SLC22A8: variants seen among roughly 807,000 people sequenced by gnomAD.
The protein encoded by SLC22A8 is organic anion transporter 3.
SLC22A8 carries 40 observed loss-of-function variants against 48.4 expected under a neutral mutation model. The observed-to-expected ratio is 0.83, with a 90% CI of 0.64 to 1.08. The LOEUF (loss-of-function observed/expected upper bound fraction) is 1.08. SLC22A8 is among the 50% of genes least tolerant of loss of function. The pLI is 0.00. For missense variants in SLC22A8, 606 were observed against 699.0 expected (o/e 0.87, Z 1.50); for synonymous variants, 268 against 286.3 (o/e 0.94, Z 0.65).
At chr11:63,005,642 A>T (rs1289639153) in intron 2 of SLC22A8, among the ~76,000 whole-genome samples, 2 of 152,232 alleles carry the variant, frequency 1.3e-5, no homozygotes, top group Non-Finnish European at 2.9e-5. Context: ...TTATAAGAAG[A>T]CAAGAGAGAG....
At position 62,994,551 on chromosome 11, in the gene SLC22A8, C is replaced by T. The variant is rs1477056627; in HGVS notation, c.1207G>A (p.Val403Met). 1 of 1,606,876 alleles carries T rather than the reference C, an allele frequency of 6.2e-7. No individual in the cohort carries two copies. The highest frequency in any genetic ancestry group is 1.7e-5 in the Admixed American group (1 of 58,934). The change falls in exon 8 of 11, where the codon GTG becomes ATG. Residue 403 changes from valine to methionine, a missense_variant. Coordinates refer to ENST00000336232, the MANE Select transcript of SLC22A8 (RefSeq NM_004254.4). ...AGGAILALTF[V>M]PLDLQTVRTV... ...AGCCCCAGTCTCTCACCCAAGGGCACAAAGGTGAGAGCCAAGATGGCCCCT... is the reference window on the plus strand; with the variant it reads ...AGCCCCAGTCTCTCACCCAAGGGCATAAAGGTGAGAGCCAAGATGGCCCCT...
rs536632701 is a variant in SLC22A8 at position 63,001,070 on chromosome 11, T to G, written c.334-247A>C. The G allele has an allele frequency of 2.3e-5, 11 of 473,480 alleles. No individual in the cohort carries two copies. The East Asian group carries it at 4.4e-4, about 19-fold the overall frequency. 29.3% of individuals were successfully genotyped at this position (473,480 alleles called of 1,614,324 possible). ...ATATGGCTCTCAAAGTCCACTCAGC[T>G]ACCACATCCAGGTCTGGCCTCAACT... On this transcript the variant is annotated intron_variant, in intron 2 of 10. Coordinates refer to ENST00000336232, the MANE Select transcript of SLC22A8 (RefSeq NM_004254.4).
At position 62,995,766 on chromosome 11, in the gene SLC22A8, G is replaced by A. The variant is rs372019665; in HGVS notation, c.939C>T (p.Thr313=). The change falls in exon 7 of 11, where the codon ACC becomes ACT. Residue 313 remains threonine (T), a synonymous_variant. Transcript: ENST00000336232. ...TGGGTATCCGGAACAGGTCACTTGC[G>A]GTGTACTTGGCCTTGGCCAAGGAGA... ...KEISLAKAKY[T]ASDLFRIPML... 2.3e-5 allele frequency: 37 copies of A among 1,614,156 alleles called. No individual in the cohort carries two copies. Among genetic ancestry groups the A allele is most frequent in the Middle Eastern group, 3.3e-4 (2 of 6,060 alleles).
intron 2 of SLC22A8, among the ~76,000 whole-genome samples, chr11:63,004,590 C>T (rs1468613699): frequency 6.6e-6 from 1 of 152,182 alleles, no homozygotes; most frequent in Non-Finnish European, 1.5e-5. Context: ...ATTATAACTC[C>T]CAGCAGCCTA....
At position 63,015,746 on chromosome 11, in the gene SLC22A8, A is replaced by C. The variant is rs2086667055; in HGVS notation, c.-43T>G. On this transcript the variant is annotated 5_prime_UTR_variant, in exon 1 of 11. Transcript: ENST00000336232. ...CTCCTCACCTGGTGGCCGGGTCTGG[A>C]TCCGATGGGGCTGGTGATCAGTGTA... The C allele has an allele frequency of 6.5e-6, 1 of 152,696 alleles. No individual in the cohort carries two copies. The highest frequency in any genetic ancestry group is 1.5e-5 in the Non-Finnish European group (1 of 68,502). The allele number at this position is 152,696 out of a possible 1,614,324, so 9.5% of individuals were successfully genotyped here.
intron 5 of SLC22A8, among the ~76,000 whole-genome samples, chr11:62,997,011 C>T (rs1565295467): frequency 1.3e-5 from 2 of 152,196 alleles, no homozygotes; most frequent in Non-Finnish European, 2.9e-5. Context: ...GGGCCCATCA[C>T]TCCTCCTGCC....
intron 2 of SLC22A8, among the ~76,000 whole-genome samples, chr11:63,009,096 G>A (rs2086588279): frequency 6.6e-6 from 1 of 152,128 alleles, no homozygotes; most frequent in African/African-American, 2.4e-5. Context: ...CCTTTTCCCA[G>A]GAGTCAGATT....
At chr11:63,009,255 CAG>C (rs1230773017) in intron 2 of SLC22A8, among the ~76,000 whole-genome samples, 1 of 152,070 alleles carries the variant, frequency 6.6e-6, no homozygotes, top group African/African-American at 2.4e-5. Context: ...GGCGGCTGAC[CAG>C]AGACCCGGCA....
chr11:63,002,235 AT>A (rs1372959128), intron 2 of SLC22A8, among the ~76,000 whole-genome samples: 1 of 152,192 alleles, frequency 6.6e-6, no homozygotes, highest in African/African-American at 2.4e-5. Context: ...TTTAAAAAAA[AT>A]TATATCATTT....
intron 1 of SLC22A8, 36 bp from the exon 2 acceptor site, chr11:63,015,019 T>A (rs763777596): frequency 3.0e-5 from 44 of 1,445,742 alleles, no homozygotes; most frequent in Non-Finnish European, 4.1e-5. Context: ...GAGGTATATT[T>A]GTGCCTGGTA....
chr11:62,998,865 C>G, intron 5 of SLC22A8, 56 bp downstream of exon 5: 1 of 1,512,956 alleles, frequency 6.6e-7, no homozygotes. Flanking sequence ...GTATGGGCTC[C>G]CCTGTTTGGC....
intron 8 of SLC22A8, 115 bp downstream of exon 8, chr11:62,994,427 G>A: frequency 1.4e-6 from 1 of 738,608 alleles, no homozygotes; most frequent in South Asian, 1.7e-5. Context: ...CCCAGAGAGT[G>A]CAGGGACCTG....
At chr11:62,998,825 C>T (rs1402153966) in intron 5 of SLC22A8, 96 bp downstream of exon 5, 13 of 1,106,150 alleles carry the variant, frequency 1.2e-5, no homozygotes, top group South Asian at 2.9e-5. Context: ...ACTGGGTGCC[C>T]GGGGACACAG....
Position 62,996,234 on chromosome 11 carries a change from G to A in SLC22A8, c.762-82C>T, listed in dbSNP as rs1371200978. 9 of 1,409,572 alleles carry A rather than the reference G, an allele frequency of 6.4e-6. No individual in the cohort carries two copies. The African/African-American group carries it at 1.0e-4, about 16-fold the overall frequency. The allele number at this position is 1,409,572 out of a possible 1,614,324, so 87.3% of individuals were successfully genotyped here. A position where few individuals can be genotyped will look rare whatever the true frequency, so the allele number is the denominator to read the frequency against. On this transcript the variant is annotated intron_variant, in intron 5 of 10. Coordinates refer to ENST00000336232, the MANE Select transcript of SLC22A8 (RefSeq NM_004254.4). The stretch of plus-strand genomic sequence containing the variant: ...GGCTGGAAGAACATCAACAGCCAGG[G>A]CCAAGGGGTAGGAGGACCAGAAACC...
chr11:63,004,701 A>G (rs1404382826), intron 2 of SLC22A8, among the ~76,000 whole-genome samples: 2 of 152,242 alleles, frequency 1.3e-5, no homozygotes, highest in Non-Finnish European at 2.9e-5. Context: ...TCTCCCAAGA[A>G]TATCAGCCTG....
In SLC22A8 at chr11:62,994,592, G is replaced by T. The variant is rs749944923; in HGVS notation, c.1166C>A (p.Ala389Asp). ...YLGRHTTQAA[A>D]LLLAGGAILA... ...GATGGCCCCTCCTGCCAGGAGCAGG[G>T]CAGCGGCCTGAGTGGTATGCCGGCC... Residue 389 changes from alanine to aspartate, a missense_variant, in exon 8 of 11, where the codon GCC (alanine) becomes GAC (aspartate). Transcript: ENST00000336232. The T allele has an allele frequency of 6.2e-7, 1 of 1,613,698 alleles. No individual in the cohort carries two copies.
rs1353916192 is a variant in SLC22A8 at position 62,993,582 on chromosome 11, G to A, written c.1371C>T (p.Ser457=). 9.9e-6 allele frequency: 16 copies of A among 1,613,386 alleles called. No individual in the cohort carries two copies. Among genetic ancestry groups the A allele is most frequent in the Non-Finnish European group, 1.2e-5 (14 of 1,179,496 alleles). The change falls in exon 10 of 11, where the codon AGC becomes AGT. Residue 457 remains serine, a synonymous_variant. Coordinates refer to ENST00000336232, the MANE Select transcript of SLC22A8 (RefSeq NM_004254.4). ...GVSNLWTRVG[S]MVSPLVKITG... ...TGATTTTCACCAGCGGGGACACCAT[G>A]CTTCCCACGCGGGTCCACAGGTTAC...
chr11:63,009,009 A>C (rs1394451653), intron 2 of SLC22A8, among the ~76,000 whole-genome samples: 1 of 151,980 alleles, frequency 6.6e-6, no homozygotes, highest in African/African-American at 2.4e-5. Context: ...CTGCGCACAT[A>C]ATCAGGGGCT....
intron 5 of SLC22A8, among the ~76,000 whole-genome samples, chr11:62,997,345 C>T (rs1033692756): frequency 9.9e-5 from 15 of 152,180 alleles, no homozygotes; most frequent in African/African-American, 3.6e-4. Flanking sequence ...CTGCCTCAGC[C>T]TCCCAAGTAG....
Sources: gnomAD v4.1 joint callset for allele counts (sites outside exome capture counted in the v4.1 genomes callset) on GRCh38, gnomAD v4.1.1 for gene constraint, MANE v1.5 for transcripts, NCBI Gene and HGNC (gene_info 2026-07-23, HGNC 2026-07-21) for gene names.